TMEM132C: variants seen among roughly 807,000 people sequenced by gnomAD.
TMEM132C encodes protein phosphatase 1, regulatory subunit 152.
Under a neutral mutation model 61.4 loss-of-function variants are expected in TMEM132C, and 29 were observed. The ratio of observed to expected loss-of-function variants is 0.47; its 90% CI spans 0.35 to 0.64. TMEM132C has a LOEUF of 0.64. Ranked by LOEUF, TMEM132C falls within the 30% of genes least tolerant of loss-of-function variation. The pLI is 0.00. For missense variants in TMEM132C, 1,408 were observed against 1,476.9 expected (o/e 0.95, Z 0.76); for synonymous variants, 656 against 633.1 (o/e 1.04, Z -0.54).
intron 1 of TMEM132C, among the ~76,000 whole-genome samples, chr12:128,403,408 A>G (rs542565085): frequency 3.5e-4 from 53 of 152,196 alleles, no homozygotes; most frequent in Non-Finnish European, 5.9e-4. Flanking sequence ...AAAGTCCTGA[A>G]AAGAGCCCAC....
At chr12:128,686,062 T>TGC (rs1954671898) in intron 5 of TMEM132C, among the ~76,000 whole-genome samples, 1 of 79,350 alleles carries the variant, frequency 1.3e-5, no homozygotes, top group South Asian at 3.8e-4. Context: ...CATGTGTGTG[T>TGC]GTGCATGCGT....
chr12:128,453,577 G>A (rs989929487), intron 2 of TMEM132C, among the ~76,000 whole-genome samples: 1 of 152,158 alleles, frequency 6.6e-6, no homozygotes. Context: ...ACTCTGGATG[G>A]GAGCAGTGAC....
intron 1 of TMEM132C, 94 bp from the exon 2 acceptor site, chr12:128,414,638 C>G: frequency 7.5e-7 from 1 of 1,332,234 alleles, no homozygotes; most frequent in Non-Finnish European, 9.9e-7. Context: ...TTCTATCCCT[C>G]ATTTCTAAAT....
At chr12:128,600,462 T>C (rs1298008340) in intron 3 of TMEM132C, among the ~76,000 whole-genome samples, 3 of 152,236 alleles carry the variant, frequency 2.0e-5, no homozygotes, top group African/African-American at 4.8e-5. Flanking sequence ...TACCCAGTCT[T>C]GGGTATGTCT....
At chr12:128,387,625 C>T (rs1874629005) in intron 1 of TMEM132C, among the ~76,000 whole-genome samples, 1 of 152,014 alleles carries the variant, frequency 6.6e-6, no homozygotes, top group African/African-American at 2.4e-5. Context: ...GCCTGGCTGA[C>T]ACGATGAAAC....
At chr12:128,356,748 A>C (rs1873519052) in intron 1 of TMEM132C, among the ~76,000 whole-genome samples, 1 of 152,232 alleles carries the variant, frequency 6.6e-6, no homozygotes, top group Admixed American at 6.5e-5. Context: ...ACCGTGTATT[A>C]ATGTTGCAGC....
At chr12:128,345,987 C>T (rs1873149139) in intron 1 of TMEM132C, among the ~76,000 whole-genome samples, 1 of 152,072 alleles carries the variant, frequency 6.6e-6, no homozygotes, top group African/African-American at 2.4e-5. Flanking sequence ...ATGGTATTGC[C>T]TAGGTTGTCT....
At position 128,694,032 on chromosome 12, in the gene TMEM132C, G is replaced by A. The variant is rs1308197363; in HGVS notation, c.1653G>A (p.Lys551=). The A allele has an allele frequency of 6.4e-7, 1 of 1,551,522 alleles. No individual in the cohort carries two copies. The highest frequency in any genetic ancestry group is 8.7e-7 in the Non-Finnish European group (1 of 1,146,958). Residue 551 remains lysine (K), a splice_region_variant and synonymous_variant, in exon 6 of 9, where the codon AAG becomes AAA. Transcript: ENST00000435159. The part of the protein sequence containing the change: ...KGWRVPIVTN[K]RPTRESEDED... Reference sequence around the variant, plus strand: ...GGAGGGTCCCCATTGTGACCAATAAGAGGTGAGCCTCGGATGGGGAGATGC... The same window carrying A: ...GGAGGGTCCCCATTGTGACCAATAAAAGGTGAGCCTCGGATGGGGAGATGC...
chr12:128,336,037 G>T (rs758594761), intron 1 of TMEM132C, among the ~76,000 whole-genome samples: 46 of 152,166 alleles, frequency 3.0e-4, no homozygotes, highest in Non-Finnish European at 6.0e-4. Flanking sequence ...TAGTATTGGG[G>T]TTTAAGTGAT....
chr12:128,637,017 C>T (rs1034948125), intron 4 of TMEM132C, among the ~76,000 whole-genome samples: 1 of 152,122 alleles, frequency 6.6e-6, no homozygotes, highest in Non-Finnish European at 1.5e-5. Flanking sequence ...TCCATGGACA[C>T]TTAGACTGTT....
chr12:128,698,101 C>G (rs567761929), intron 8 of TMEM132C, among the ~76,000 whole-genome samples: 2 of 152,294 alleles, frequency 1.3e-5, no homozygotes, highest in Admixed American at 6.5e-5. Flanking sequence ...GTTCATCGCT[C>G]TATCCCCAGT....
At chr12:128,322,754 G>T (rs1268590154) in intron 1 of TMEM132C, among the ~76,000 whole-genome samples, 1 of 152,190 alleles carries the variant, frequency 6.6e-6, no homozygotes, top group Non-Finnish European at 1.5e-5. Flanking sequence ...CCAATTATAT[G>T]TAAGCATGGA....
intron 2 of TMEM132C, among the ~76,000 whole-genome samples, chr12:128,475,044 G>A (rs1385801544): frequency 1.3e-5 from 2 of 152,134 alleles, no homozygotes; most frequent in African/African-American, 2.4e-5. Flanking sequence ...GGAAGGGAAC[G>A]AGGCAGGGAC....
At chr12:128,612,282 G>C (rs917738047) in intron 3 of TMEM132C, among the ~76,000 whole-genome samples, 1 of 152,212 alleles carries the variant, frequency 6.6e-6, no homozygotes, top group Non-Finnish European at 1.5e-5. Flanking sequence ...ACGGATGTCG[G>C]TGTTCTAGCC....
intron 2 of TMEM132C, among the ~76,000 whole-genome samples, chr12:128,513,746 G>T (rs1217122403): frequency 6.6e-6 from 1 of 152,198 alleles, no homozygotes; most frequent in African/African-American, 2.4e-5. Context: ...TTGTCTAGGG[G>T]CTATGAGGAC....
chr12:128,397,450 T>C (rs1369437467), intron 1 of TMEM132C, among the ~76,000 whole-genome samples: 1 of 152,176 alleles, frequency 6.6e-6, no homozygotes, highest in African/African-American at 2.4e-5. Context: ...GCTGCAGCAG[T>C]GTAGCAAGGC....
At chr12:128,357,965 C>CA (rs1165894160) in intron 1 of TMEM132C, among the ~76,000 whole-genome samples, 1 of 152,104 alleles carries the variant, frequency 6.6e-6, no homozygotes, top group Non-Finnish European at 1.5e-5. Context: ...CCACCCTGCT[C>CA]AGGGGCCAGG....
At chr12:128,409,923 A>C (rs1868475640) in intron 1 of TMEM132C, among the ~76,000 whole-genome samples, 1 of 152,228 alleles carries the variant, frequency 6.6e-6, no homozygotes, top group Non-Finnish European at 1.5e-5. Context: ...GTCTTTGGTG[A>C]TCAATGACTA....
intron 3 of TMEM132C, among the ~76,000 whole-genome samples, chr12:128,571,129 G>T (rs540519354): frequency 2.0e-5 from 3 of 152,094 alleles, no homozygotes; most frequent in African/African-American, 7.2e-5. Flanking sequence ...ACCAGACAAG[G>T]CCAAAAAAAT....
Sources: allele counts gnomAD v4.1 joint callset (sites outside exome capture counted in the v4.1 genomes callset), GRCh38; gene constraint gnomAD v4.1.1; transcripts MANE v1.5; gene names NCBI Gene and HGNC (gene_info 2026-07-23, HGNC 2026-07-21).